Variants in NEGR1 observed in about 807,000 individuals in gnomAD.
The protein encoded by NEGR1 is IgLON family member 4.
In NEGR1, 10 loss-of-function variants were observed where a neutral mutation model predicts 40.9. The observed-to-expected ratio is 0.24, with a 90% CI of 0.15 to 0.42. The LOEUF (loss-of-function observed/expected upper bound fraction) is 0.42. Ranked by LOEUF, NEGR1 falls within the 10% of genes least tolerant of loss-of-function variation. The pLI is 1.00. For synonymous variants in NEGR1, 185 were observed against 166.8 expected, an observed-to-expected ratio of 1.11 and a Z score of -0.84; for missense variants, 352 against 438.9, an observed-to-expected ratio of 0.80 and a Z score of 1.77.
chr1:71,978,549 C>T lies in NEGR1; in HGVS notation c.177-43238G>A, dbSNP rs1227396186. ...ACCCCATTAAAAAGTGGGCAAAGGA[C>T]ATAAACAGACACTTTTCAAAGGAAG... On this transcript the variant is annotated intron_variant, in intron 1 of 6. Transcript: ENST00000357731. Among the ~76,000 whole-genome samples, 4 of 151,894 alleles carry T rather than the reference C, an allele frequency of 2.6e-5. No individual in the cohort carries two copies. In the South Asian group the frequency reaches 6.2e-4, roughly 24 times the overall value.
At chr1:71,882,654 G>A (rs1255124427) in intron 2 of NEGR1, among the ~76,000 whole-genome samples, 6 of 146,816 alleles carry the variant, frequency 4.1e-5, no homozygotes, top group Non-Finnish European at 6.0e-5. Context: ...TAGTATCCCT[G>A]TTTTCTCACC....
At chr1:71,886,146 G>A (rs1361764837) in intron 2 of NEGR1, among the ~76,000 whole-genome samples, 2 of 152,046 alleles carry the variant, frequency 1.3e-5, no homozygotes, top group African/African-American at 4.8e-5. Flanking sequence ...ATACACAAAG[G>A]AACAAAAGGT....
At chr1:72,190,532 T>G (rs900249269) in intron 1 of NEGR1, among the ~76,000 whole-genome samples, 1 of 151,682 alleles carries the variant, frequency 6.6e-6, no homozygotes, top group Admixed American at 6.6e-5. Flanking sequence ...ATTGGAATAG[T>G]TGTTTATCAA....
rs184540252 is a variant in NEGR1, at chr1:72,180,954, G to T, written c.176+101365C>A. 1.2e-4 allele frequency among the ~76,000 whole-genome samples: 18 copies of T among 152,050 alleles called. No individual in the cohort carries two copies. The South Asian group carries it at 1.9e-3, about 16-fold the overall frequency. ...CAGCTGTTTCTTTGAGCAAAATGGTGACTGTGGTGCTGATGGTGCACCATG... is the reference window on the plus strand; with the variant it reads ...CAGCTGTTTCTTTGAGCAAAATGGTTACTGTGGTGCTGATGGTGCACCATG... On this transcript the variant is annotated intron_variant, in intron 1 of 6. Coordinates refer to ENST00000357731, the MANE Select transcript of NEGR1 (RefSeq NM_173808.3).
At chr1:71,612,082 C>T (rs12089388) in intron 4 of NEGR1, among the ~76,000 whole-genome samples, 2,272 of 152,230 alleles carry the variant, frequency 0.015, 53 homozygotes, top group African/African-American at 0.052. Context: ...ATTAGCCGGG[C>T]ATGGTGGTGG....
chr1:71,984,174 C>T (rs1353089111), intron 1 of NEGR1, among the ~76,000 whole-genome samples: 1 of 146,626 alleles, frequency 6.8e-6, no homozygotes, highest in South Asian at 2.4e-4. Flanking sequence ...CTCCTGCCCA[C>T]CCATAGCCTT....
At chr1:72,209,519 T>C (rs1021474766) in intron 1 of NEGR1, among the ~76,000 whole-genome samples, 1 of 151,778 alleles carries the variant, frequency 6.6e-6, no homozygotes, top group Non-Finnish European at 1.5e-5. Flanking sequence ...TCTAGAACTC[T>C]GAACACCTAT....
intron 2 of NEGR1, among the ~76,000 whole-genome samples, chr1:71,808,503 C>G (rs766270406): frequency 6.6e-6 from 1 of 152,060 alleles, no homozygotes; most frequent in Admixed American, 6.6e-5. Flanking sequence ...GGTTAGGGAG[C>G]CTGTCAGTCA....
rs1405283009 is a variant in NEGR1 at position 71,403,194 on chromosome 1, A to G, written c.*4252T>C. ...ATTTGGCTTGAGATCTCATTTGTAT[A>G]TTATGGTTTGGTATTTACAAACTAA... On this transcript the variant is annotated 3_prime_UTR_variant, in exon 7 of 7. Coordinates refer to ENST00000357731, the MANE Select transcript of NEGR1 (RefSeq NM_173808.3). 1 of 152,034 alleles carries G rather than the reference A, an allele frequency of 6.6e-6. No homozygotes were observed. The highest frequency in any genetic ancestry group is 1.5e-5 in the Non-Finnish European group (1 of 67,948). 9.4% of individuals were successfully genotyped at this position (152,034 alleles called of 1,614,324 possible). A position where few individuals can be genotyped will look rare whatever the true frequency, so the allele number is the denominator to read the frequency against.
chr1:72,144,545 A>G (rs775000677), intron 1 of NEGR1, among the ~76,000 whole-genome samples: 1 of 148,408 alleles, frequency 6.7e-6, no homozygotes, highest in African/African-American at 2.4e-5. Flanking sequence ...TCATGATTAG[A>G]GAGACATATA....
chr1:72,219,523 T>G (rs1395705212), intron 1 of NEGR1, among the ~76,000 whole-genome samples: 1 of 152,050 alleles, frequency 6.6e-6, no homozygotes, highest in African/African-American at 2.4e-5. Flanking sequence ...CTGAGTTATA[T>G]CCATGTCTGC....
At chr1:71,690,648 A>AGAGAGAGAGAGAGAGG (rs1557614893) in intron 4 of NEGR1, among the ~76,000 whole-genome samples, 8 of 149,524 alleles carry the variant, frequency 5.4e-5, no homozygotes, top group Non-Finnish European at 1.0e-4. Flanking sequence ...AGAGAGAGAG[A>AGAGAGAGAGAGAGAGG]GAGAGAGAGA....
intron 1 of NEGR1, among the ~76,000 whole-genome samples, chr1:71,955,100 T>G (rs1289012221): frequency 6.6e-6 from 1 of 152,160 alleles, no homozygotes; most frequent in African/African-American, 2.4e-5. Context: ...TGTACCATGC[T>G]TTACAGATTA....
At chr1:71,690,313 C>G (rs1008799506) in intron 4 of NEGR1, among the ~76,000 whole-genome samples, 18 of 151,810 alleles carry the variant, frequency 1.2e-4, no homozygotes, top group Non-Finnish European at 4.4e-5. Flanking sequence ...TCTTGCTTCA[C>G]GTACTGAAGC....
intron 2 of NEGR1, among the ~76,000 whole-genome samples, chr1:71,909,152 A>T (rs1353545112): frequency 1.3e-5 from 2 of 152,182 alleles, no homozygotes. Context: ...CTCTGTGGGC[A>T]CAATCCTAAA....
rs373753434 is a variant in NEGR1, at chr1:71,921,271, C to T, written c.409+13808G>A. Among the ~76,000 whole-genome samples the T allele has an allele frequency of 4.5e-4, 69 of 152,128 alleles. No individual in the cohort carries two copies. In the East Asian group the frequency reaches 0.011, roughly 25 times the overall value. ...ATAGAGCTTAAACACTTGCCTTTTG[C>T]GAATATTTACAACTCAAAACCACTG... On this transcript the variant is annotated intron_variant, in intron 2 of 6. Coordinates refer to ENST00000357731, the MANE Select transcript of NEGR1 (RefSeq NM_173808.3).
At chr1:72,215,439 T>A (rs1287480416) in intron 1 of NEGR1, among the ~76,000 whole-genome samples, 1 of 151,966 alleles carries the variant, frequency 6.6e-6, no homozygotes, top group Non-Finnish European at 1.5e-5. Context: ...ACCTACAGAT[T>A]GGGAGAAAAT....
chr1:71,443,119 C>T (rs1483865911), intron 6 of NEGR1, among the ~76,000 whole-genome samples: 1 of 152,172 alleles, frequency 6.6e-6, no homozygotes, highest in Non-Finnish European at 1.5e-5. Flanking sequence ...GATTTGTGTT[C>T]TTCATTCGCT....
At chr1:71,670,212 G>A (rs1468020066) in intron 4 of NEGR1, among the ~76,000 whole-genome samples, 1 of 152,044 alleles carries the variant, frequency 6.6e-6, no homozygotes, top group Non-Finnish European at 1.5e-5. Flanking sequence ...TAATCTTATA[G>A]GGAATATACA....
Sources: gnomAD v4.1 joint callset for allele counts (sites outside exome capture counted in the v4.1 genomes callset) on GRCh38, gnomAD v4.1.1 for gene constraint, MANE v1.5 for transcripts, NCBI Gene and HGNC (gene_info 2026-07-23, HGNC 2026-07-21) for gene names.